CPAP: variants seen among roughly 807,000 people sequenced by gnomAD.
CPAP encodes centrosomal P4.1-associated protein.
At chr13:24,919,005 T>C in the CPAP span, among the ~76,000 whole-genome samples, 485 of 150,886 alleles carry the variant, frequency 3.2e-3, 5 homozygotes, top group African/African-American at 0.011. Flanking sequence ...TGGCCAGTTA[T>C]AAAAAAGCCT....
the CPAP span, chr13:24,883,370 C>G: frequency 6.3e-7 from 1 of 1,586,040 alleles, no homozygotes; most frequent in Non-Finnish European, 8.6e-7. Context: ...GTTGCCATCA[C>G]TGTAAAATTT....
At chr13:24,887,122 G>T in the CPAP span, among the ~76,000 whole-genome samples, 1 of 152,072 alleles carries the variant, frequency 6.6e-6, no homozygotes, top group Admixed American at 6.5e-5. Context: ...CCCCAAGATA[G>T]GGAAAGAATT....
At chr13:24,905,670 T>C in the CPAP span, 2 of 1,614,116 alleles carry the variant, frequency 1.2e-6, no homozygotes, top group African/African-American at 2.7e-5. Flanking sequence ...AAGTCCATTT[T>C]ACTCAGACTT....
the CPAP span, chr13:24,884,417 T>C: frequency 2.7e-5 from 43 of 1,614,062 alleles, no homozygotes; most frequent in Admixed American, 3.0e-4. Context: ...TCGAGTTCCA[T>C]TGGGAAACAG....
At chr13:24,932,649 A>G in the CPAP span, among the ~76,000 whole-genome samples, 4 of 152,260 alleles carry the variant, frequency 2.6e-5, no homozygotes, top group Admixed American at 6.5e-5. Context: ...ACAAAAACCC[A>G]TGTTTCACTA....
chr13:24,914,135 G>C, the CPAP span, among the ~76,000 whole-genome samples: 1 of 152,146 alleles, frequency 6.6e-6, no homozygotes, highest in Admixed American at 6.5e-5. Flanking sequence ...AAAGGAGGTT[G>C]TAACTTTAGA....
the CPAP span, chr13:24,885,869 A>G: frequency 2.1e-5 from 12 of 576,008 alleles, no homozygotes; most frequent in South Asian, 2.5e-4. Context: ...GAAAGACAGT[A>G]TCTTGTCTCA....
the CPAP span, chr13:24,922,999 T>C: frequency 1.3e-5 from 2 of 152,304 alleles, no homozygotes; most frequent in Non-Finnish European, 2.9e-5. Context: ...GGGGATGGAC[T>C]GCGCGCCGCC....
At chr13:24,911,430 G>C in the CPAP span, among the ~76,000 whole-genome samples, 2 of 152,204 alleles carry the variant, frequency 1.3e-5, no homozygotes, top group Non-Finnish European at 2.9e-5. Context: ...CAGCTGAACA[G>C]AGTGGCTCCT....
the CPAP span, chr13:24,886,213 G>T: frequency 3.7e-6 from 3 of 816,826 alleles, no homozygotes; most frequent in Non-Finnish European, 5.4e-6. Context: ...TGTGCCAATG[G>T]ATCATATTGT....
chr13:24,913,601 A>G, the CPAP span, among the ~76,000 whole-genome samples: 1 of 152,148 alleles, frequency 6.6e-6, no homozygotes, highest in Non-Finnish European at 1.5e-5. Context: ...CACCCACCAG[A>G]TAGCCCCTCA....
At chr13:24,928,157 G>A in the CPAP span, among the ~76,000 whole-genome samples, 1 of 152,196 alleles carries the variant, frequency 6.6e-6, no homozygotes, top group Non-Finnish European at 1.5e-5. Flanking sequence ...TCAGCCACTA[G>A]TGCCCAGCAG....
the CPAP span, among the ~76,000 whole-genome samples, chr13:24,930,852 T>A: frequency 1.3e-5 from 2 of 152,240 alleles, no homozygotes; most frequent in African/African-American, 4.8e-5. Flanking sequence ...CTGGGTCGAA[T>A]GGCAGTTCTG....
At chr13:24,910,108 A>C in the CPAP span, 1 of 1,606,926 alleles carries the variant, frequency 6.2e-7, no homozygotes, top group Non-Finnish European at 8.5e-7. Context: ...GAAATGCAAC[A>C]AAGCTGATGA....
At chr13:24,912,895 T>C in the CPAP span, 1 of 1,614,236 alleles carries the variant, frequency 6.2e-7, no homozygotes, top group Non-Finnish European at 8.5e-7. Context: ...AGCTGCTCGC[T>C]TCTCTTTGTC....
chr13:24,915,800 G>A, the CPAP span, among the ~76,000 whole-genome samples: 4 of 147,908 alleles, frequency 2.7e-5, no homozygotes, highest in South Asian at 2.1e-4. Context: ...ACTCCATCTC[G>A]AAAACAACAA....
chr13:24,905,204 C>A, the CPAP span: 1 of 785,368 alleles, frequency 1.3e-6, no homozygotes, highest in Non-Finnish European at 2.1e-6. Flanking sequence ...TAAAATAAAT[C>A]AAATTTTTAC....
chr13:24,901,438 AAG>A, the CPAP span, among the ~76,000 whole-genome samples: 1 of 152,184 alleles, frequency 6.6e-6, no homozygotes, highest in African/African-American at 2.4e-5. Flanking sequence ...GTGATGGGGA[AAG>A]GGGTGAGAAG....
the CPAP span, among the ~76,000 whole-genome samples, chr13:24,928,815 T>G: frequency 6.6e-6 from 1 of 152,188 alleles, no homozygotes; most frequent in African/African-American, 2.4e-5. Flanking sequence ...CTATTGCTGG[T>G]GTATTGGACT....
Sources: allele counts gnomAD v4.1 joint callset (sites outside exome capture counted in the v4.1 genomes callset), GRCh38; gene constraint gnomAD v4.1.1; transcripts MANE v1.5; gene names NCBI Gene and HGNC (gene_info 2026-07-23, HGNC 2026-07-21).